Variants in DIAPH1 observed in about 807,000 individuals in gnomAD.
The protein encoded by DIAPH1 is diaphanous related formin 1.
In DIAPH1, 46 loss-of-function variants were observed where a neutral mutation model predicts 140.7. That is an observed-to-expected ratio of 0.33 (90% CI 0.26 to 0.42). The LOEUF (loss-of-function observed/expected upper bound fraction) is 0.42, where lower values mean the gene tolerates loss of function less well. Ranked by LOEUF, DIAPH1 falls within the 10% of genes least tolerant of loss-of-function variation. The pLI, the probability that DIAPH1 is intolerant of heterozygous loss-of-function variation, is 1.00. For missense variants in DIAPH1, 1,310 were observed against 1,558.7 expected, an observed-to-expected ratio of 0.84 and a Z score of 2.69; for synonymous variants, 565 against 551.6, an observed-to-expected ratio of 1.02 and a Z score of -0.34.
At chr5:141,615,133 A>G (rs2099902469) in intron 1 of DIAPH1, among the ~76,000 whole-genome samples, 1 of 152,188 alleles carries the variant, frequency 6.6e-6, no homozygotes, top group Admixed American at 6.5e-5. Flanking sequence ...TAATTTTAAT[A>G]ATAGTAAAAA....
chr5:141,528,326 G>A, intron 23 of DIAPH1, 127 bp downstream of exon 23: 1 of 1,360,576 alleles, frequency 7.3e-7, no homozygotes. Context: ...TAGGCACCAT[G>A]CCTAAATCCT....
At chr5:141,546,065 T>C (rs951038469) in intron 18 of DIAPH1, among the ~76,000 whole-genome samples, 4 of 152,028 alleles carry the variant, frequency 2.6e-5, no homozygotes, top group Admixed American at 1.3e-4. Context: ...TAACAAAAAA[T>C]CAAGATGGTA....
chr5:141,606,355 C>T (rs1394669290), intron 1 of DIAPH1, among the ~76,000 whole-genome samples: 1 of 152,160 alleles, frequency 6.6e-6, no homozygotes, highest in Non-Finnish European at 1.5e-5. Context: ...ATGTATGTAA[C>T]AATCCCTAAG....
intron 18 of DIAPH1, among the ~76,000 whole-genome samples, chr5:141,562,606 C>CAAAAA (rs754741971): frequency 3.9e-5 from 3 of 76,838 alleles, no homozygotes; most frequent in South Asian, 4.5e-4. Context: ...CTTACCTATG[C>CAAAAA]AAAAAAAAAA....
intron 18 of DIAPH1, among the ~76,000 whole-genome samples, chr5:141,551,333 G>A (rs781709008): frequency 1.3e-5 from 2 of 152,146 alleles, no homozygotes; most frequent in Non-Finnish European, 2.9e-5. Flanking sequence ...GCACACGCCT[G>A]TAGTCCCAGT....
In DIAPH1 at chr5:141,580,861, T is replaced by A; in HGVS notation, c.707A>T (p.Glu236Val). 6.2e-7 allele frequency: 1 copy of A among 1,614,168 alleles called. No individual in the cohort carries two copies. The highest frequency in any genetic ancestry group is 1.1e-5 in the South Asian group (1 of 91,090). Residue 236 changes from glutamate (E) to valine (V), a missense_variant, in exon 8 of 28, where the codon GAG (glutamate) becomes GTG (valine). This residue lies in a region of DIAPH1 where 377 missense variants were observed against 497.1 expected (regional missense o/e 0.76). Coordinates refer to ENST00000389054, the MANE Select transcript of DIAPH1 (RefSeq NM_005219.5). ...CAGCAGTAGGATTCCTTCTTCTGTC[T>A]CCAACATGGTCTTGATTCCAAACTG... The part of the protein sequence containing the change: ...NNKFGIKTML[E>V]TEEGILLLVR...
intron 25 of DIAPH1, 34 bp from the exon 26 acceptor site, chr5:141,526,207 G>A: frequency 1.9e-6 from 3 of 1,614,090 alleles, no homozygotes; most frequent in Middle Eastern, 1.6e-4. Flanking sequence ...GAACACATGG[G>A]CATTGTATAC....
Position 141,576,891 on chromosome 5 carries a change from G to C in DIAPH1, c.1281-20C>G, listed in dbSNP as rs773242100. 9 of 1,391,374 alleles carry C rather than the reference G, an allele frequency of 6.5e-6. No homozygotes were observed. Among genetic ancestry groups the C allele is most frequent in the Non-Finnish European group, 9.2e-6 (9 of 976,932 alleles). 86.2% of individuals were successfully genotyped at this position (1,391,374 alleles called of 1,614,324 possible). ...TGAGGTCTACAAGAGAATAAAAACAGGGTCATCAAAGGAAAATCAAAATAT... is the reference window on the plus strand; with the variant it reads ...TGAGGTCTACAAGAGAATAAAAACACGGTCATCAAAGGAAAATCAAAATAT... On this transcript the variant is annotated intron_variant, in intron 12 of 27. Transcript: ENST00000389054.
At chr5:141,533,359 A>G (rs1016266151) in intron 19 of DIAPH1, among the ~76,000 whole-genome samples, 9 of 152,230 alleles carry the variant, frequency 5.9e-5, no homozygotes, top group Admixed American at 2.0e-4. Flanking sequence ...AGTACTACCT[A>G]TATCAACTTT....
At chr5:141,606,705 G>A (rs1483213637) in intron 1 of DIAPH1, among the ~76,000 whole-genome samples, 1 of 152,094 alleles carries the variant, frequency 6.6e-6, no homozygotes, top group East Asian at 1.9e-4. Flanking sequence ...CTTACACTAT[G>A]TAAAATAACA....
chr5:141,582,785 GCT>G (rs973411722), intron 6 of DIAPH1, among the ~76,000 whole-genome samples: 4 of 152,046 alleles, frequency 2.6e-5, no homozygotes, highest in African/African-American at 9.7e-5. Flanking sequence ...CTTCAGGTTG[GCT>G]TCAAGGTAGC....
intron 1 of DIAPH1, among the ~76,000 whole-genome samples, chr5:141,604,507 TCTC>T (rs1363279950): frequency 1.3e-5 from 2 of 152,104 alleles, no homozygotes; most frequent in East Asian, 3.9e-4. Context: ...GCAACTGTCT[TCTC>T]CTCCCATGTT....
At position 141,528,753 on chromosome 5, in the gene DIAPH1, A is replaced by T. The variant is rs1163797384; in HGVS notation, c.2967T>A (p.Ala989=). The T allele has an allele frequency of 6.2e-7, 1 of 1,614,250 alleles. No individual in the cohort carries two copies. Among genetic ancestry groups the T allele is most frequent in the South Asian group, 1.1e-5 (1 of 91,090 alleles). ...ITLLVGNYMN[A]GSRNAGAFGF... ...CAAAAGCACCAGCATTTCTGGAGCC[A>T]GCATTCATGTAATTTCCAACAAGCA... Residue 989 remains alanine, a synonymous_variant, in exon 22 of 28, where the codon GCT becomes GCA. Transcript: ENST00000389054.
chr5:141,527,699 T>TAAAAAAAAAAAAAAAAAACA lies in DIAPH1; in HGVS notation c.3149-3_3149-2insTGTTTTTTTTTTTTTTTTTT. On this transcript the variant is annotated splice_polypyrimidine_tract_variant and splice_region_variant and intron_variant, in intron 23 of 27. Coordinates refer to ENST00000389054, the MANE Select transcript of DIAPH1 (RefSeq NM_005219.5). ...TCTTTTGCAAGTTTTCAGCAGAAAC[T>TAAAAAAAAAAAAAAAAAACA]AAAAAAAAAAAAAAAAAAAAAAACC... is the stretch of plus-strand genomic sequence containing the variant. 1 of 1,130,080 alleles carries TAAAAAAAAAAAAAAAAAACA rather than the reference T, an allele frequency of 8.8e-7. No individual in the cohort carries two copies. Among genetic ancestry groups the TAAAAAAAAAAAAAAAAAACA allele is most frequent in the East Asian group, 3.6e-5 (1 of 27,440 alleles). The allele number at this position is 1,130,080 out of a possible 1,614,324, so 70.0% of individuals were successfully genotyped here.
chr5:141,535,609 G>GT (rs1562290032), intron 18 of DIAPH1, among the ~76,000 whole-genome samples: 1 of 152,128 alleles, frequency 6.6e-6, no homozygotes, highest in African/African-American at 2.4e-5. Flanking sequence ...GTATTTCATT[G>GT]TATCACTCCC....
intron 1 of DIAPH1, among the ~76,000 whole-genome samples, chr5:141,617,021 T>A (rs1046220588): frequency 2.0e-5 from 3 of 152,112 alleles, no homozygotes; most frequent in African/African-American, 7.2e-5. Context: ...AGAGTACATA[T>A]AAAATTCTAC....
At position 141,612,312 on chromosome 5, in the gene DIAPH1, C is replaced by T. The variant is rs1486342205; in HGVS notation, c.117+6486G>A. ...AGTCATTCCACTCATGGGTACTTAC[C>T]CAAGAGAAATGAAGACATATGTCCA... On this transcript the variant is annotated intron_variant, in intron 1 of 27. Coordinates refer to ENST00000389054, the MANE Select transcript of DIAPH1 (RefSeq NM_005219.5). Among the ~76,000 whole-genome samples the T allele has an allele frequency of 2.0e-5, 3 of 152,072 alleles. No homozygotes were observed. The East Asian group carries it at 5.8e-4, about 29-fold the overall frequency.
intron 18 of DIAPH1, among the ~76,000 whole-genome samples, chr5:141,569,200 A>G (rs116375992): frequency 0.014 from 2,185 of 152,276 alleles, 40 homozygotes; most frequent in African/African-American, 0.05. Flanking sequence ...CCTAAGAAGT[A>G]GAAGGCTAGA....
chr5:141,568,201 A>G (rs1033238571), intron 18 of DIAPH1, among the ~76,000 whole-genome samples: 5 of 152,310 alleles, frequency 3.3e-5, no homozygotes, highest in Admixed American at 3.3e-4. Context: ...AGAAATGGAA[A>G]ATGAAAAACT....
Sources: gnomAD v4.1 joint callset for allele counts (sites outside exome capture counted in the v4.1 genomes callset) on GRCh38, gnomAD v4.1.1 for gene constraint, gnomAD v4.1.1 regional missense constraint, MANE v1.5 for transcripts, NCBI Gene and HGNC (gene_info 2026-07-23, HGNC 2026-07-21) for gene names.